Variants in STON1 observed in about 807,000 individuals in gnomAD.
STON1 encodes the protein stonin-1.
In STON1, 79 loss-of-function variants were observed where a neutral mutation model predicts 60.9. That is an observed-to-expected ratio of 1.30 (90% confidence interval 1.08 to 1.56). The LOEUF (loss-of-function observed/expected upper bound fraction) is 1.56, where lower values mean the gene tolerates loss of function less well. STON1 is among the 40% of genes most tolerant of loss of function. STON1 has a pLI of 0.00. For missense variants in STON1, 1,166 were observed against 858.9 expected (o/e 1.36, Z -4.47); for synonymous variants, 363 against 306.9 (o/e 1.18, Z -1.91).
intron 1 of STON1, among the ~76,000 whole-genome samples, chr2:48,567,003 T>C (rs1338867076): frequency 6.6e-6 from 1 of 151,926 alleles, no homozygotes; most frequent in African/African-American, 2.4e-5. Context: ...GAACAGATTA[T>C]TAGAACAAGG....
Position 48,580,677 on chromosome 2 carries a change from A to T in STON1, c.44A>T (p.Asp15Val), listed in dbSNP as rs141632429. The T allele has an allele frequency of 6.0e-5, 86 of 1,425,516 alleles. No homozygotes were observed. In the Middle Eastern group the frequency reaches 1.3e-3, roughly 22 times the overall value. The allele number at this position is 1,425,516 out of a possible 1,614,324, so 88.3% of individuals were successfully genotyped here. ...GGCAAATGGGTCACCTTTGATGATG[A>T]TCCTGCTGTTCAATCTTCTCAAAAG... ...NPGKWVTFDD[D>V]PAVQSSQKSK... is the part of the protein sequence containing the mutation. The change falls in exon 2 of 4, where the codon GAT (aspartate) becomes GTT (valine). Residue 15 changes from aspartate to valine, a missense_variant. Asp to Val is a radical substitution (Grantham distance 152). Transcript: ENST00000404752.
At chr2:48,574,345 C>T (rs1673362614) in intron 1 of STON1, among the ~76,000 whole-genome samples, 1 of 149,656 alleles carries the variant, frequency 6.7e-6, no homozygotes, top group Non-Finnish European at 1.5e-5. Context: ...CACTGCACTC[C>T]AACCTGAGCG....
chr2:48,542,249 C>T (rs1367651402), intron 1 of STON1, among the ~76,000 whole-genome samples: 1 of 152,228 alleles, frequency 6.6e-6, no homozygotes, highest in Admixed American at 6.5e-5. Flanking sequence ...AAGATATTTT[C>T]CCCATAGTCA....
intron 1 of STON1, among the ~76,000 whole-genome samples, chr2:48,578,184 C>T (rs1673628581): frequency 6.6e-6 from 1 of 152,082 alleles, no homozygotes; most frequent in African/African-American, 2.4e-5. Context: ...ACCATGTTGG[C>T]CATGCTGGCC....
At chr2:48,576,056 C>A (rs1033913238) in intron 1 of STON1, among the ~76,000 whole-genome samples, 1 of 151,760 alleles carries the variant, frequency 6.6e-6, no homozygotes, top group Non-Finnish European at 1.5e-5. Flanking sequence ...CCGCACCTGG[C>A]CCTATTTTTA....
intron 1 of STON1, among the ~76,000 whole-genome samples, chr2:48,535,571 G>T (rs556243193): frequency 5.3e-5 from 8 of 152,116 alleles, no homozygotes; most frequent in African/African-American, 1.7e-4. Flanking sequence ...TCAGCTGGGC[G>T]CAGTGGCTCA....
chr2:48,590,050 G>A (rs897133559), intron 2 of STON1, among the ~76,000 whole-genome samples: 1 of 152,160 alleles, frequency 6.6e-6, no homozygotes, highest in Non-Finnish European at 1.5e-5. Flanking sequence ...TAACCACTTT[G>A]CCATAACAAG....
chr2:48,544,670 C>T (rs1345212115), intron 1 of STON1, among the ~76,000 whole-genome samples: 2 of 152,116 alleles, frequency 1.3e-5, no homozygotes, highest in Admixed American at 6.5e-5. Flanking sequence ...TTCAGCCTCC[C>T]GAGTAGCTGG....
intron 1 of STON1, among the ~76,000 whole-genome samples, chr2:48,569,307 C>A (rs1673086658): frequency 6.6e-6 from 1 of 152,140 alleles, no homozygotes; most frequent in Admixed American, 6.5e-5. Context: ...ATTCTTTGAA[C>A]TGGGGAGGGC....
chr2:48,563,250 G>A (rs1389217988), intron 1 of STON1, among the ~76,000 whole-genome samples: 1 of 152,216 alleles, frequency 6.6e-6, no homozygotes, highest in Non-Finnish European at 1.5e-5. Context: ...GACAGTCAGA[G>A]GGGCTGTGAT....
chr2:48,568,362 A>G (rs1353014890), intron 1 of STON1, among the ~76,000 whole-genome samples: 1 of 152,196 alleles, frequency 6.6e-6, no homozygotes, highest in African/African-American at 2.4e-5. Flanking sequence ...TATCACATGC[A>G]TCTAATCTGA....
At chr2:48,585,681 G>C (rs1674168758) in intron 2 of STON1, among the ~76,000 whole-genome samples, 1 of 152,192 alleles carries the variant, frequency 6.6e-6, no homozygotes, top group South Asian at 2.1e-4. Context: ...GCTAGTTTTA[G>C]GTTAGAGGGT....
At chr2:48,585,204 G>C (rs1674138118) in intron 2 of STON1, among the ~76,000 whole-genome samples, 1 of 152,062 alleles carries the variant, frequency 6.6e-6, no homozygotes, top group Non-Finnish European at 1.5e-5. Flanking sequence ...GGGAAGGTCA[G>C]TATCTTCTAT....
At chr2:48,585,516 T>C (rs956036171) in intron 2 of STON1, among the ~76,000 whole-genome samples, 2 of 152,186 alleles carry the variant, frequency 1.3e-5, no homozygotes, top group Non-Finnish European at 2.9e-5. Flanking sequence ...CCCAAAGTGC[T>C]GGGATTAGAG....
intron 1 of STON1, among the ~76,000 whole-genome samples, chr2:48,541,027 T>A (rs951247056): frequency 1.3e-5 from 2 of 152,208 alleles, no homozygotes; most frequent in African/African-American, 4.8e-5. Flanking sequence ...AACTCCTAAT[T>A]AACTTAATTA....
intron 1 of STON1, among the ~76,000 whole-genome samples, chr2:48,558,588 A>G (rs1672480393): frequency 6.6e-6 from 1 of 152,246 alleles, no homozygotes; most frequent in South Asian, 2.1e-4. Flanking sequence ...TGGATTTTGT[A>G]TCTGCTTACT....
In STON1 at chr2:48,555,095, G is replaced by C. The variant is rs1175847588; in HGVS notation, c.-48+24879G>C. The stretch of plus-strand genomic sequence containing the variant: ...AGACAGAGGAATTTTTCTTAGTGCA[G>C]AACAAAATGAAAAGTCTCCCATGTC... On this transcript the variant is annotated intron_variant, in intron 1 of 3. Coordinates refer to ENST00000404752, the MANE Select transcript of STON1 (RefSeq NM_006873.4). Among the ~76,000 whole-genome samples the C allele has an allele frequency of 1.3e-3, 85 of 65,510 alleles. 3 individuals carry two copies. Among genetic ancestry groups the C allele is most frequent in the Non-Finnish European group, 2.3e-3 (77 of 33,402 alleles). The allele number at this position is 65,510 out of a possible 152,430, so 43.0% of individuals were successfully genotyped here. A position where few individuals can be genotyped will look rare whatever the true frequency, so the allele number is the denominator to read the frequency against.
At chr2:48,562,050 G>C (rs902054634) in intron 1 of STON1, among the ~76,000 whole-genome samples, 2 of 152,062 alleles carry the variant, frequency 1.3e-5, no homozygotes, top group African/African-American at 4.8e-5. Flanking sequence ...TAGTAGAAAC[G>C]GGGTTCTACC....
Position 48,582,455 on chromosome 2 carries a change from G to A in STON1, c.1822G>A (p.Glu608Lys). ...NRRACLGSLQ[E>K]LESEPVIQVT... ...CCGAGCATGTCTGGGGAGTTTACAG[G>A]AACTTGAATCTGAACCTGTCATTCA... The change falls in exon 2 of 4, where the codon GAA becomes AAA. Residue 608 changes from glutamate (E) to lysine (K), a missense_variant. Glu to Lys is a moderately conservative substitution (Grantham distance 56). Transcript: ENST00000404752. 1 of 1,614,232 alleles carries A rather than the reference G, an allele frequency of 6.2e-7. No homozygotes were observed. The highest frequency in any genetic ancestry group is 8.5e-7 in the Non-Finnish European group (1 of 1,180,046).
Sources: allele counts gnomAD v4.1 joint callset (sites outside exome capture counted in the v4.1 genomes callset), GRCh38; gene constraint gnomAD v4.1.1; transcripts MANE v1.5; gene names NCBI Gene and HGNC (gene_info 2026-07-23, HGNC 2026-07-21).